Variants in RBFOX1 observed in about 807,000 individuals in gnomAD.
The protein encoded by RBFOX1 is RNA binding protein fox-1 homolog 1.
A neutral mutation model predicts 57.7 loss-of-function variants in RBFOX1; 8 were observed. The observed-to-expected ratio is 0.14, with a 90% CI of 0.08 to 0.25. The LOEUF (loss-of-function observed/expected upper bound fraction) is 0.25, where lower values mean the gene tolerates loss of function less well. RBFOX1 is among the 10% of genes least tolerant of loss of function. The pLI, the probability that RBFOX1 is intolerant of heterozygous loss-of-function variation, is 1.00. For missense variants in RBFOX1, 611 were observed against 548.5 expected, an observed-to-expected ratio of 1.11 and a Z score of -1.14; for synonymous variants, 326 against 222.4, an observed-to-expected ratio of 1.47 and a Z score of -4.15.
At chr16:6,917,548 C>T (rs1208408833) in intron 3 of RBFOX1, among the ~76,000 whole-genome samples, 1 of 152,182 alleles carries the variant, frequency 6.6e-6, no homozygotes, top group African/African-American at 2.4e-5. Context: ...TAACAATGTT[C>T]ATTTTTCTAA....
At chr16:5,555,848 C>G (rs977748361) in intron 2 of RBFOX1, among the ~76,000 whole-genome samples, 1 of 151,872 alleles carries the variant, frequency 6.6e-6, no homozygotes, top group South Asian at 2.1e-4. Context: ...ATGGGAAAAC[C>G]CCATATCTAC....
At chr16:6,513,563 G>A (rs945833758) in intron 2 of RBFOX1, among the ~76,000 whole-genome samples, 2 of 151,978 alleles carry the variant, frequency 1.3e-5, no homozygotes, top group African/African-American at 2.4e-5. Flanking sequence ...GTGAAAACCT[G>A]TCTCTACTAA....
At chr16:6,783,634 T>C (rs192407544) in intron 3 of RBFOX1, among the ~76,000 whole-genome samples, 4 of 152,254 alleles carry the variant, frequency 2.6e-5, no homozygotes, top group Admixed American at 1.3e-4. Context: ...TTATTTTTCA[T>C]AGGTTTGTCT....
At chr16:6,679,878 G>GTTTTTTTTTTTTTTTTTTT (rs71145274) in intron 3 of RBFOX1, among the ~76,000 whole-genome samples, 12 of 114,304 alleles carry the variant, frequency 1.0e-4, no homozygotes, top group East Asian at 2.6e-4. Flanking sequence ...GTTTCTACTT[G>GTTTTTTTTTTTTTTTTTTT]TTTTTTTTTT....
chr16:6,186,320 T>A (rs2097104930), intron 1 of RBFOX1, among the ~76,000 whole-genome samples: 1 of 152,116 alleles, frequency 6.6e-6, no homozygotes. Flanking sequence ...TGCAAGGGAA[T>A]TTGGAGTGAG....
chr16:5,450,740 G>T lies in RBFOX1; in HGVS notation c.220-16476G>T, dbSNP rs1324869559. Among the ~76,000 whole-genome samples, 3 of 152,200 alleles carry T rather than the reference G, an allele frequency of 2.0e-5. No homozygotes were observed. In the East Asian group the frequency reaches 5.8e-4, roughly 29 times the overall value. The stretch of plus-strand genomic sequence containing the variant: ...GGCTCTGATGCCTTGCTGGGAGTGG[G>T]ACTTTGGGCAGGAGTTGCTGCAGGC... On this transcript the variant is annotated intron_variant, in intron 1 of 2. Transcript: ENST00000585867.
At chr16:6,810,071 G>C (rs369410298) in intron 3 of RBFOX1, among the ~76,000 whole-genome samples, 1 of 149,088 alleles carries the variant, frequency 6.7e-6, no homozygotes, top group African/African-American at 2.5e-5. Flanking sequence ...GCTCTGGTCT[G>C]ATGGGGTCTC....
chr16:5,523,832 G>A (rs1010329469), intron 2 of RBFOX1, among the ~76,000 whole-genome samples: 5 of 152,144 alleles, frequency 3.3e-5, no homozygotes, highest in East Asian at 1.9e-4. Context: ...AGAACAAGCC[G>A]CAGCGGCCCC....
At chr16:6,640,944 G>A (rs901264677) in intron 2 of RBFOX1, among the ~76,000 whole-genome samples, 3 of 152,042 alleles carry the variant, frequency 2.0e-5, no homozygotes, top group African/African-American at 7.2e-5. Flanking sequence ...TAATGACTGT[G>A]GCAGCCATGC....
chr16:7,672,293 C>T (rs769365027), intron 13 of RBFOX1, among the ~76,000 whole-genome samples: 9 of 152,180 alleles, frequency 5.9e-5, no homozygotes, highest in Non-Finnish European at 1.2e-4. Context: ...CACATTGAAA[C>T]CGTCAAATAA....
intron 3 of RBFOX1, among the ~76,000 whole-genome samples, chr16:6,721,210 A>T (rs1020851600): frequency 6.6e-6 from 1 of 152,214 alleles, no homozygotes; most frequent in Non-Finnish European, 1.5e-5. Flanking sequence ...TGGAAGGCCA[A>T]GGCAGGTGGA....
chr16:6,711,646 C>T (rs1374313948), intron 3 of RBFOX1, among the ~76,000 whole-genome samples: 1 of 152,166 alleles, frequency 6.6e-6, no homozygotes, highest in African/African-American at 2.4e-5. Flanking sequence ...CTCGAGGCTT[C>T]CCCATCCGTG....
At chr16:7,429,977 A>C (rs765820060) in intron 4 of RBFOX1, among the ~76,000 whole-genome samples, 32 of 152,198 alleles carry the variant, frequency 2.1e-4, no homozygotes, top group Admixed American at 1.1e-3. Context: ...TTCTCCCTGC[A>C]ATCATTGAGT....
intron 3 of RBFOX1, among the ~76,000 whole-genome samples, chr16:6,992,547 C>G (rs962857982): frequency 6.6e-6 from 1 of 152,032 alleles, no homozygotes; most frequent in African/African-American, 2.4e-5. Flanking sequence ...TCATCCCTTC[C>G]AAGGTCAGCT....
intron 4 of RBFOX1, among the ~76,000 whole-genome samples, chr16:7,101,532 A>C (rs2151370368): frequency 6.6e-6 from 1 of 152,268 alleles, no homozygotes; most frequent in East Asian, 1.9e-4. Flanking sequence ...TCCAACCAAA[A>C]GCATTCACAG....
chr16:6,710,816 C>T (rs1175213351), intron 3 of RBFOX1, among the ~76,000 whole-genome samples: 1 of 152,228 alleles, frequency 6.6e-6, no homozygotes, highest in Non-Finnish European at 1.5e-5. Flanking sequence ...AGATCCTCTT[C>T]CCCTGTAACT....
intron 3 of RBFOX1, among the ~76,000 whole-genome samples, chr16:5,848,924 G>T (rs2056822195): frequency 6.6e-6 from 1 of 152,046 alleles, no homozygotes; most frequent in Admixed American, 6.5e-5. Flanking sequence ...ACTTCAGCCT[G>T]GGTGACAGGG....
At chr16:7,485,110 T>C (rs2065052974) in intron 4 of RBFOX1, among the ~76,000 whole-genome samples, 1 of 151,830 alleles carries the variant, frequency 6.6e-6, no homozygotes, top group South Asian at 2.1e-4. Flanking sequence ...TAAAGAGAAG[T>C]CTTATTCCCT....
At chr16:5,589,188 G>C (rs1251980738) in intron 2 of RBFOX1, among the ~76,000 whole-genome samples, 1 of 152,152 alleles carries the variant, frequency 6.6e-6, no homozygotes, top group Non-Finnish European at 1.5e-5. Flanking sequence ...GCCCCTATCT[G>C]CACTTGGCCA....
Sources: gnomAD v4.1 joint callset for allele counts (sites outside exome capture counted in the v4.1 genomes callset) on GRCh38, gnomAD v4.1.1 for gene constraint, MANE v1.5 for transcripts, NCBI Gene and HGNC (gene_info 2026-07-23, HGNC 2026-07-21) for gene names.